HOMER2: variants seen among roughly 807,000 people sequenced by gnomAD.
The protein encoded by HOMER2 is homer scaffold protein 2, also known as homer protein homolog 2.
Under a neutral mutation model 47.0 loss-of-function variants are expected in HOMER2, and 27 were observed. The ratio of observed to expected loss-of-function variants is 0.57; its 90% CI spans 0.42 to 0.79. HOMER2 has a LOEUF of 0.79. Ranked by LOEUF, HOMER2 falls within the 30% of genes least tolerant of loss-of-function variation. HOMER2 has a pLI of 0.00. For missense variants in HOMER2, 443 were observed against 435.0 expected, an observed-to-expected ratio of 1.02 and a Z score of -0.16; for synonymous variants, 161 against 163.8, an observed-to-expected ratio of 0.98 and a Z score of 0.13.
Position 82,851,185 on chromosome 15 carries a change from A to G in HOMER2, c.809T>C (p.Met270Thr), listed in dbSNP as rs758267676. ...RKQSEIIPQL[M>T]SECEYVSEKL... ...CTCAGAGACATATTCGCACTCTGACATGAGCTGAGGTATGATTTCACTTTG... is the reference window on the plus strand; with the variant it reads ...CTCAGAGACATATTCGCACTCTGACGTGAGCTGAGGTATGATTTCACTTTG... The change falls in exon 8 of 9, where the codon ATG (methionine) becomes ACG (threonine). Residue 270 changes from methionine (M) to threonine (T), a missense_variant. Transcript: ENST00000450735. The G allele has an allele frequency of 8.2e-6, 13 of 1,576,008 alleles. No homozygotes were observed. The highest frequency in any genetic ancestry group is 4.6e-5 in the East Asian group (2 of 43,600).
intron 1 of HOMER2, among the ~76,000 whole-genome samples, chr15:82,907,225 C>T (rs935184153): frequency 1.8e-4 from 28 of 151,950 alleles, no homozygotes; most frequent in African/African-American, 6.5e-4. Context: ...GGCATGGTGG[C>T]GGGTGCGTGC....
At chr15:82,846,100 T>TC (rs1377889664), downstream of HOMER2, 3 of 152,364 alleles carry the variant, frequency 2.0e-5, no homozygotes, top group Non-Finnish European at 2.9e-5. Context: ...GGCTGCTCCC[T>TC]CCCCAGAAAG....
At chr15:82,904,658 T>A (rs1325250492) in intron 1 of HOMER2, among the ~76,000 whole-genome samples, 2 of 152,180 alleles carry the variant, frequency 1.3e-5, no homozygotes, top group Non-Finnish European at 2.9e-5. Flanking sequence ...TCCAGCCCCC[T>A]TCAACCATCC....
intron 7 of HOMER2, 121 bp from the exon 8 acceptor site, chr15:82,851,352 CAGTGAT>C (rs1269439879): frequency 2.9e-6 from 2 of 681,698 alleles, no homozygotes; most frequent in Middle Eastern, 2.4e-4. Flanking sequence ...TTTGCATAGA[CAGTGAT>C]AGTGACCATG....
intron 1 of HOMER2, among the ~76,000 whole-genome samples, chr15:82,930,230 C>A (rs950403826): frequency 3.6e-4 from 55 of 152,160 alleles, no homozygotes; most frequent in African/African-American, 1.3e-3. Flanking sequence ...CCAAGTCACT[C>A]CACCTCTCTC....
intron 1 of HOMER2, among the ~76,000 whole-genome samples, chr15:82,977,440 G>A (rs1410039049): frequency 1.3e-5 from 2 of 152,176 alleles, no homozygotes; most frequent in African/African-American, 2.4e-5. Context: ...TTTGCCAACT[G>A]CTTAAATTGG....
intron 1 of HOMER2, among the ~76,000 whole-genome samples, chr15:82,950,195 G>C (rs892857664): frequency 6.6e-6 from 1 of 152,070 alleles, no homozygotes; most frequent in Non-Finnish European, 1.5e-5. Context: ...GAAGGGGAGA[G>C]GTCTGGAAAG....
rs370099182 is a variant in HOMER2 at position 82,892,774 on chromosome 15, T to G, written c.73A>C (p.Met25Leu). 6.2e-7 allele frequency: 1 copy of G among 1,606,932 alleles called. No individual in the cohort carries two copies. The highest frequency in any genetic ancestry group is 8.5e-7 in the Non-Finnish European group (1 of 1,175,114). ...QIDPNTKKNW[M>L]PASKQAVTVS... is the part of the protein sequence containing the mutation. ...GTGACCGCCTGCTTGCTCGCAGGCATCCAGTTCTTCTTGGTGTTGGGGTCA... is the reference window on the plus strand; with the variant it reads ...GTGACCGCCTGCTTGCTCGCAGGCAGCCAGTTCTTCTTGGTGTTGGGGTCA... Residue 25 changes from methionine (M) to leucine (L), a missense_variant, in exon 2 of 9, where the codon ATG becomes CTG. Transcript: ENST00000450735.
chr15:82,874,948 C>A (rs1002610253), intron 3 of HOMER2, among the ~76,000 whole-genome samples: 1 of 152,168 alleles, frequency 6.6e-6, no homozygotes, highest in Non-Finnish European at 1.5e-5. Flanking sequence ...TTTTGGCACA[C>A]AAGCCAGCGC....
At chr15:82,903,686 C>T (rs1356604437) in intron 1 of HOMER2, among the ~76,000 whole-genome samples, 2 of 152,068 alleles carry the variant, frequency 1.3e-5, no homozygotes, top group Non-Finnish European at 2.9e-5. Flanking sequence ...CACGCCACAC[C>T]CCACATCAAG....
At chr15:82,893,819 G>A (rs534462950) in intron 1 of HOMER2, among the ~76,000 whole-genome samples, 13 of 152,134 alleles carry the variant, frequency 8.5e-5, no homozygotes, top group Admixed American at 8.5e-4. Flanking sequence ...TAGAGACAGG[G>A]TCTCTCTGTG....
intron 1 of HOMER2, among the ~76,000 whole-genome samples, chr15:82,977,920 G>A (rs1443302938): frequency 6.6e-6 from 1 of 152,178 alleles, no homozygotes; most frequent in Non-Finnish European, 1.5e-5. Context: ...GCTGAAGCAG[G>A]TGGATCCTGA....
chr15:82,876,762 G>A (rs571259254), intron 2 of HOMER2, among the ~76,000 whole-genome samples: 2 of 152,260 alleles, frequency 1.3e-5, no homozygotes, highest in East Asian at 3.9e-4. Context: ...AAACAGAGAA[G>A]ACAAAAAAAG....
At chr15:82,901,644 G>A (rs1329542398) in intron 1 of HOMER2, among the ~76,000 whole-genome samples, 1 of 152,206 alleles carries the variant, frequency 6.6e-6, no homozygotes, top group Non-Finnish European at 1.5e-5. Flanking sequence ...GCGGGTGGCA[G>A]GAGATGAGGT....
intron 1 of HOMER2, among the ~76,000 whole-genome samples, chr15:82,917,916 G>A (rs142267804): frequency 1.3e-5 from 2 of 152,284 alleles, no homozygotes; most frequent in Non-Finnish European, 2.9e-5. Flanking sequence ...TCTAAGACAG[G>A]TGTGGGGGCC....
intron 1 of HOMER2, among the ~76,000 whole-genome samples, chr15:82,906,333 C>T (rs1441210967): frequency 6.6e-6 from 1 of 151,740 alleles, no homozygotes; most frequent in Admixed American, 6.6e-5. Context: ...GATATTAATC[C>T]AATGATATCA....
intron 1 of HOMER2, among the ~76,000 whole-genome samples, chr15:82,894,670 CAA>C (rs11302464): frequency 3.4e-4 from 27 of 79,228 alleles, no homozygotes; most frequent in African/African-American, 5.3e-4. Context: ...GACTCCATCT[CAA>C]AAAAAAAAAA....
intron 2 of HOMER2, among the ~76,000 whole-genome samples, chr15:82,881,060 G>A (rs1403081329): frequency 6.6e-6 from 1 of 152,230 alleles, no homozygotes; most frequent in Admixed American, 6.5e-5. Flanking sequence ...CCAGAAGGGA[G>A]AAGGGGCTGT....
intron 1 of HOMER2, among the ~76,000 whole-genome samples, chr15:82,931,426 G>A (rs561839744): frequency 6.6e-5 from 10 of 151,642 alleles, no homozygotes; most frequent in Non-Finnish European, 1.5e-4. Context: ...CCAAGGAGTA[G>A]CTTTTTTTAG....
Sources: gnomAD v4.1 joint callset for allele counts (sites outside exome capture counted in the v4.1 genomes callset) on GRCh38, gnomAD v4.1.1 for gene constraint, MANE v1.5 for transcripts, NCBI Gene and HGNC (gene_info 2026-07-23, HGNC 2026-07-21) for gene names.